The following SIN3A variants were observed in gnomAD, a reference collection of about 807,000 sequenced individuals.
SIN3A encodes paired amphipathic helix protein Sin3a.
A neutral mutation model predicts 146.1 loss-of-function variants in SIN3A; 14 were observed. The observed-to-expected ratio is 0.10, with a 90% CI of 0.06 to 0.15. SIN3A has a LOEUF of 0.15. Among genes scored for constraint, SIN3A ranks in the 10% least tolerant of loss-of-function variants. SIN3A has a pLI of 1.00. For synonymous variants in SIN3A, 572 were observed against 572.0 expected (o/e 1.00, Z 0.00); for missense variants, 1,028 against 1,576.0 (o/e 0.65, Z 5.89).
chr15:75,387,577 A>G (rs2073112350), intron 16 of SIN3A, among the ~76,000 whole-genome samples: 1 of 148,078 alleles, frequency 6.8e-6, no homozygotes, highest in African/African-American at 2.5e-5. Flanking sequence ...AAAAAAAAAA[A>G]AGCGGGGGGT....
chr15:75,439,684 C>T lies in SIN3A; in HGVS notation c.-33-9276G>A, dbSNP rs1186621068. Among the ~76,000 whole-genome samples, 3 of 151,952 alleles carry T rather than the reference C, an allele frequency of 2.0e-5. No individual in the cohort carries two copies. The East Asian group carries it at 5.8e-4, about 29-fold the overall frequency. ...TACGGCATATGATACACCTTTAACC[C>T]GCATTATACCATTACGCATTGGCCA... is the stretch of plus-strand genomic sequence containing the variant. On this transcript the variant is annotated intron_variant, in intron 1 of 20. Coordinates refer to ENST00000394947, the MANE Select transcript of SIN3A (RefSeq NM_001145358.2).
At position 75,400,938 on chromosome 15, in the gene SIN3A, T is replaced by C; in HGVS notation, c.1529A>G (p.Lys510Arg). The change falls in exon 11 of 21, where the codon AAA becomes AGA. Residue 510 changes from lysine to arginine, a missense_variant and splice_region_variant. By Grantham distance (26) the Lys-to-Arg change is conservative. Around this residue, in one of 9 missense-constraint regions of SIN3A, gnomAD observed 157 missense variants for 284.8 expected, o/e 0.55. Transcript: ENST00000394947. ...AAACCAATTAAACAACTCAGGGAATTTCCTGAAGAATCAAACCAAAAAGTG... is the reference window on the plus strand; with the variant it reads ...AAACCAATTAAACAACTCAGGGAATCTCCTGAAGAATCAAACCAAAAAGTG... ...LVQLVSPFLG[K>R]FPELFNWFKN... 6.2e-7 allele frequency: 1 copy of C among 1,611,540 alleles called. No homozygotes were observed. Among genetic ancestry groups the C allele is most frequent in the Non-Finnish European group, 8.5e-7 (1 of 1,179,118 alleles).
At chr15:75,454,185 A>G (rs1009106795), upstream of SIN3A, among the ~76,000 whole-genome samples, 24 of 152,096 alleles carry the variant, frequency 1.6e-4, 1 homozygote, top group South Asian at 8.3e-4. Context: ...TAGCAACTTA[A>G]ACTCCAGCCC....
chr15:75,407,983 G>A (rs2073550807), intron 8 of SIN3A, among the ~76,000 whole-genome samples: 1 of 149,400 alleles, frequency 6.7e-6, no homozygotes, highest in Admixed American at 6.7e-5. Flanking sequence ...GAACCAACAG[G>A]CCATGATATA....
chr15:75,392,942 G>T, intron 14 of SIN3A, 127 bp from the exon 15 acceptor site: 1 of 734,364 alleles, frequency 1.4e-6, no homozygotes, highest in South Asian at 1.9e-5. Flanking sequence ...AAAAACTTAG[G>T]ACCTGGGACT....
At chr15:75,394,271 G>A (rs911480022) in intron 14 of SIN3A, among the ~76,000 whole-genome samples, 1 of 152,206 alleles carries the variant, frequency 6.6e-6, no homozygotes, top group African/African-American at 2.4e-5. Flanking sequence ...CTAGCTCCTA[G>A]TACTATTTAT....
chr15:75,452,640 A>T (rs2074429151), upstream of SIN3A, among the ~76,000 whole-genome samples: 1 of 152,216 alleles, frequency 6.6e-6, no homozygotes, highest in Non-Finnish European at 1.5e-5. Context: ...GAGGGCGGAG[A>T]TAACCAAAAG....
chr15:75,421,722 T>A (rs1292216630), intron 3 of SIN3A: 1 of 152,214 alleles, frequency 6.6e-6, no homozygotes, highest in Admixed American at 6.5e-5. Flanking sequence ...GTTCCTCCAT[T>A]TATTATTTCC....
chr15:75,410,415 C>T (rs948962221), intron 6 of SIN3A, 129 bp from the exon 7 acceptor site: 33 of 811,544 alleles, frequency 4.1e-5, no homozygotes, highest in African/African-American at 8.7e-5. Context: ...TCTTAGCACC[C>T]GTTCTGACCA....
intron 3 of SIN3A, chr15:75,419,958 T>C (rs1449439397): frequency 6.6e-6 from 1 of 152,148 alleles, no homozygotes; most frequent in Non-Finnish European, 1.5e-5. Context: ...TAAAGCATAG[T>C]CCAACTCTTA....
chr15:75,440,358 A>C (rs2074186136), intron 1 of SIN3A, among the ~76,000 whole-genome samples: 1 of 151,376 alleles, frequency 6.6e-6, no homozygotes, highest in Non-Finnish European at 1.5e-5. Context: ...AGCCTCCCAA[A>C]GCAGCTGGAA....
At chr15:75,381,174 C>T (rs1595888527) in intron 18 of SIN3A, 1 of 179,596 alleles carries the variant, frequency 5.6e-6, no homozygotes, top group East Asian at 1.4e-4. Flanking sequence ...CAACATCATA[C>T]ATATGGCCTG....
upstream of SIN3A, among the ~76,000 whole-genome samples, chr15:75,454,145 G>A (rs1184216603): frequency 2.0e-5 from 3 of 146,748 alleles, no homozygotes; most frequent in African/African-American, 5.2e-5. Flanking sequence ...CGCAAGAACC[G>A]TCCCTCCTCC....
Position 75,433,165 on chromosome 15 carries a change from G to A in SIN3A, c.-33-2757C>T, listed in dbSNP as rs188581537. On this transcript the variant is annotated intron_variant, in intron 1 of 20. Transcript: ENST00000394947. ...ACTGGATTCTGTTGGATGGGAGAAT[G>A]TTTGAGGGCAAAAAATAAAAACAAA... Among the ~76,000 whole-genome samples, 108 of 152,250 alleles carry A rather than the reference G, an allele frequency of 7.1e-4. 2 individuals carry two copies. The East Asian group carries it at 0.017, about 23-fold the overall frequency.
intron 5 of SIN3A, among the ~76,000 whole-genome samples, chr15:75,412,336 CATCACT>C (rs2073656528): frequency 6.6e-6 from 1 of 152,324 alleles, no homozygotes; most frequent in East Asian, 1.9e-4. Flanking sequence ...TCTTCATCAC[CATCACT>C]ATCACTATTC....
intron 1 of SIN3A, among the ~76,000 whole-genome samples, chr15:75,435,892 A>C (rs2074099506): frequency 1.3e-5 from 2 of 151,880 alleles, no homozygotes; most frequent in Admixed American, 1.3e-4. Flanking sequence ...TGGGAAGCTG[A>C]GGCTCAAGGA....
chr15:75,392,931 C>A, intron 14 of SIN3A, 116 bp from the exon 15 acceptor site: 1 of 831,344 alleles, frequency 1.2e-6, no homozygotes, highest in East Asian at 2.6e-5. Flanking sequence ...TTTTTCTAAT[C>A]AAAAACTTAG....
chr15:75,455,129 C>G (rs2074471024), upstream of SIN3A: 3 of 151,268 alleles, frequency 2.0e-5, no homozygotes, highest in Non-Finnish European at 4.4e-5. Context: ...CGCGCCTCTC[C>G]GGAGCGCGCC....
rs772259269 is a variant in SIN3A at position 75,412,768 on chromosome 15, T to C, written c.751A>G (p.Ser251Gly). 4 of 1,576,972 alleles carry C rather than the reference T, an allele frequency of 2.5e-6. No individual in the cohort carries two copies. Among genetic ancestry groups the C allele is most frequent in the Non-Finnish European group, 3.4e-6 (4 of 1,161,282 alleles). ...PAPQPPPAKV[S>G]KPSQLQAHTP... The stretch of plus-strand genomic sequence containing the variant: ...AATATTTTCCAAGTGCTCACCTTGC[T>C]GACTTTGGCAGGTGGGGGCTGAGGA... The change falls in exon 5 of 21, where the codon AGC (serine) becomes GGC (glycine). Residue 251 changes from serine to glycine, a missense_variant. Around this residue, in one of 9 missense-constraint regions of SIN3A, gnomAD observed 112 missense variants for 135.7 expected, o/e 0.83. Coordinates refer to ENST00000394947, the MANE Select transcript of SIN3A (RefSeq NM_001145358.2).
Sources: gnomAD v4.1 joint callset for allele counts (sites outside exome capture counted in the v4.1 genomes callset) on GRCh38, gnomAD v4.1.1 for gene constraint, gnomAD v4.1.1 regional missense constraint, MANE v1.5 for transcripts, NCBI Gene and HGNC (gene_info 2026-07-23, HGNC 2026-07-21) for gene names.